Variants in CHIC2 observed in about 807,000 individuals in gnomAD.
CHIC2 encodes the protein cysteine-rich hydrophobic domain-containing protein 2.
Under a neutral mutation model 25.9 loss-of-function variants are expected in CHIC2, and 14 were observed. The observed-to-expected ratio is 0.54, with a 90% CI of 0.36 to 0.85. CHIC2 has a LOEUF of 0.85. CHIC2 is among the 40% of genes least tolerant of loss of function. CHIC2 has a pLI of 0.01. For missense variants in CHIC2, 146 were observed against 202.0 expected (o/e 0.72, Z 1.68); for synonymous variants, 70 against 72.0 (o/e 0.97, Z 0.14).
At chr4:54,083,203 C>T in the CHIC2 span, among the ~76,000 whole-genome samples, 5 of 151,282 alleles carry the variant, frequency 3.3e-5, no homozygotes, top group African/African-American at 9.7e-5. Flanking sequence ...TTAGTAGAGA[C>T]GGGGTTTCAC....
At chr4:54,020,834 T>C (rs1322257608) in intron 3 of CHIC2, among the ~76,000 whole-genome samples, 2 of 152,310 alleles carry the variant, frequency 1.3e-5, no homozygotes, top group Non-Finnish European at 2.9e-5. Flanking sequence ...TGTTTAATCA[T>C]TGCAGAGACG....
At chr4:54,017,053 TA>T (rs1358175162) in intron 3 of CHIC2, among the ~76,000 whole-genome samples, 1 of 152,188 alleles carries the variant, frequency 6.6e-6, no homozygotes, top group East Asian at 1.9e-4. Context: ...TTATAAAAGC[TA>T]CTTAAAAGCT....
At chr4:54,041,422 G>C (rs1364038906) in intron 3 of CHIC2, among the ~76,000 whole-genome samples, 2 of 152,084 alleles carry the variant, frequency 1.3e-5, no homozygotes, top group East Asian at 3.9e-4. Context: ...CTGTGAAAGT[G>C]AGTGAAATGA....
At chr4:54,079,348 T>C in the CHIC2 span, among the ~76,000 whole-genome samples, 1 of 152,022 alleles carries the variant, frequency 6.6e-6, no homozygotes, top group African/African-American at 2.4e-5. Context: ...TTGACGTTGT[T>C]ATTGGCAATG....
At chr4:54,031,851 C>G (rs1397891236) in intron 3 of CHIC2, among the ~76,000 whole-genome samples, 1 of 152,010 alleles carries the variant, frequency 6.6e-6, no homozygotes, top group Admixed American at 6.5e-5. Flanking sequence ...AACGCCTGGT[C>G]TCAAGCAATC....
In CHIC2 at chr4:54,009,994, G is replaced by C; in HGVS notation, c.*101C>G. 3.3e-6 allele frequency: 2 copies of C among 604,896 alleles called. No homozygotes were observed. Among genetic ancestry groups the C allele is most frequent in the Non-Finnish European group, 5.6e-6 (2 of 355,754 alleles). 37.5% of individuals were successfully genotyped at this position (604,896 alleles called of 1,614,324 possible). A position where few individuals can be genotyped will look rare whatever the true frequency, so the allele number is the denominator to read the frequency against. ...AACAAAAACAAAAAAAACACCACAC[G>C]ATTCTGTAGAACCAATGTTATGTCA... is the stretch of plus-strand genomic sequence containing the variant. On this transcript the variant is annotated 3_prime_UTR_variant, in exon 6 of 6. Coordinates refer to ENST00000263921, the MANE Select transcript of CHIC2 (RefSeq NM_012110.4).
intron 3 of CHIC2, among the ~76,000 whole-genome samples, chr4:54,023,045 C>A (rs970705512): frequency 1.3e-5 from 2 of 152,032 alleles, no homozygotes; most frequent in African/African-American, 4.8e-5. Flanking sequence ...TCTGTCCTAG[C>A]AAACCTAGCT....
chr4:54,091,440 G>A, the CHIC2 span, among the ~76,000 whole-genome samples: 2 of 151,976 alleles, frequency 1.3e-5, no homozygotes, highest in Non-Finnish European at 2.9e-5. Flanking sequence ...CATTCACACC[G>A]CACTCACCCT....
intron 3 of CHIC2, among the ~76,000 whole-genome samples, chr4:54,048,152 C>A (rs1046472287): frequency 3.9e-5 from 6 of 152,032 alleles, no homozygotes; most frequent in African/African-American, 1.4e-4. Context: ...CCACGCCTGG[C>A]TAATTTTTTG....
At chr4:54,084,175 C>T in the CHIC2 span, among the ~76,000 whole-genome samples, 1 of 152,124 alleles carries the variant, frequency 6.6e-6, no homozygotes, top group Non-Finnish European at 1.5e-5. Flanking sequence ...GCCACTGTGC[C>T]CAGCCCGGGG....
the CHIC2 span, among the ~76,000 whole-genome samples, chr4:54,081,080 G>GA: frequency 2.7e-5 from 4 of 149,356 alleles, no homozygotes; most frequent in Admixed American, 6.7e-5. Context: ...AAAAGCTGGG[G>GA]AAAAAAAAGA....
the CHIC2 span, among the ~76,000 whole-genome samples, chr4:54,076,033 T>TC: frequency 0.05 from 7,663 of 152,166 alleles, 640 homozygotes; most frequent in African/African-American, 0.17. Context: ...ACACCTGTAA[T>TC]CCTAGCACTT....
chr4:54,058,559 T>TACACACAC (rs36034143), intron 1 of CHIC2, among the ~76,000 whole-genome samples: 130 of 138,516 alleles, frequency 9.4e-4, no homozygotes, highest in East Asian at 5.0e-3. Flanking sequence ...TACACACACA[T>TACACACAC]ACACACACAC....
intron 3 of CHIC2, among the ~76,000 whole-genome samples, chr4:54,043,383 T>C (rs1716652496): frequency 1.4e-5 from 2 of 141,102 alleles, no homozygotes; most frequent in South Asian, 4.4e-4. Flanking sequence ...ATCATGCCAC[T>C]GCACTCCAGC....
intron 3 of CHIC2, among the ~76,000 whole-genome samples, chr4:54,020,401 T>C (rs1715864302): frequency 6.6e-6 from 1 of 152,210 alleles, no homozygotes; most frequent in South Asian, 2.1e-4. Flanking sequence ...CCCACCACCT[T>C]TTGCTGACTC....
At chr4:54,088,156 G>A in the CHIC2 span, among the ~76,000 whole-genome samples, 40,296 of 151,816 alleles carry the variant, frequency 0.27, 5,795 homozygotes, top group African/African-American at 0.39. Context: ...CATTCAATTT[G>A]ATATATATAC....
intron 3 of CHIC2, among the ~76,000 whole-genome samples, chr4:54,045,110 A>T (rs1382195575): frequency 1.3e-5 from 2 of 152,216 alleles, no homozygotes; most frequent in Non-Finnish European, 2.9e-5. Context: ...AAGAAGTTGA[A>T]TGTCTGAATA....
intron 3 of CHIC2, among the ~76,000 whole-genome samples, chr4:54,039,194 G>C (rs1419005881): frequency 6.6e-6 from 1 of 151,998 alleles, no homozygotes; most frequent in Non-Finnish European, 1.5e-5. Context: ...CAAATTCTTA[G>C]ATACAGCACA....
At chr4:54,058,559 TACACACACACACACACACAC>T (rs36034143) in intron 1 of CHIC2, among the ~76,000 whole-genome samples, 1 of 138,478 alleles carries the variant, frequency 7.2e-6, no homozygotes, top group Non-Finnish European at 1.6e-5. Context: ...TACACACACA[TACACACACACACACACACAC>T]ACACACACAC....
Sources: gnomAD v4.1 joint callset for allele counts (sites outside exome capture counted in the v4.1 genomes callset) on GRCh38, gnomAD v4.1.1 for gene constraint, MANE v1.5 for transcripts, NCBI Gene and HGNC (gene_info 2026-07-23, HGNC 2026-07-21) for gene names.